Variants in ACAA2 observed in about 807,000 individuals in gnomAD.
ACAA2 encodes 3-ketoacyl-CoA thiolase, mitochondrial.
In ACAA2, 35 loss-of-function variants were observed where a neutral mutation model predicts 44.8. The ratio of observed to expected loss-of-function variants is 0.78; its 90% CI spans 0.60 to 1.04. The LOEUF (loss-of-function observed/expected upper bound fraction) is 1.04. ACAA2 is among the 50% of genes least tolerant of loss of function. The pLI, the probability that ACAA2 is intolerant of heterozygous loss-of-function variation, is 0.00. For synonymous variants in ACAA2, 142 were observed against 166.5 expected (o/e 0.85, Z 1.13); for missense variants, 468 against 482.6 (o/e 0.97, Z 0.28).
chr18:49,787,504 A>G (rs1489872439), intron 7 of ACAA2, 143 bp from the exon 8 acceptor site: 42 of 585,624 alleles, frequency 7.2e-5, no homozygotes, highest in Non-Finnish European at 4.0e-5. Flanking sequence ...CCTTGACCGT[A>G]CCTATTAAAT....
At chr18:49,810,262 G>A (rs184652096) in intron 1 of ACAA2, among the ~76,000 whole-genome samples, 67 of 152,236 alleles carry the variant, frequency 4.4e-4, no homozygotes, top group Non-Finnish European at 7.6e-4. Flanking sequence ...TCCACACCCC[G>A]TTCTCCTGCA....
At chr18:49,787,626 C>A (rs940836306) in intron 7 of ACAA2, among the ~76,000 whole-genome samples, 1 of 151,696 alleles carries the variant, frequency 6.6e-6, no homozygotes, top group African/African-American at 2.4e-5. Context: ...CTGGGCAACA[C>A]AGCAAGACCC....
Position 49,784,152 on chromosome 18 carries a change from C to T in ACAA2, c.1110-221G>A, listed in dbSNP as rs545110183. 1.3e-4 allele frequency among the ~76,000 whole-genome samples: 20 copies of T among 151,936 alleles called. No individual in the cohort carries two copies. In the South Asian group the frequency reaches 2.1e-3, roughly 16 times the overall value. On this transcript the variant is annotated intron_variant, in intron 9 of 9. Transcript: ENST00000285093. ...AAAAACAAAGAACAAAAACAAACAC[C>T]AGAAGAGGGAGGCAAACTAAAAAGG...
chr18:49,808,214 T>C (rs1034554388), intron 1 of ACAA2, among the ~76,000 whole-genome samples: 3 of 152,108 alleles, frequency 2.0e-5, no homozygotes, highest in Non-Finnish European at 4.4e-5. Context: ...CAAACACTGG[T>C]GAGGATGTGG....
intron 9 of ACAA2, among the ~76,000 whole-genome samples, chr18:49,784,503 C>A (rs1402137212): frequency 1.3e-5 from 2 of 152,080 alleles, no homozygotes; most frequent in Non-Finnish European, 2.9e-5. Context: ...AGAAAATTAT[C>A]CAGGAATTAC....
intron 1 of ACAA2, among the ~76,000 whole-genome samples, chr18:49,803,335 G>A (rs1400592331): frequency 6.6e-6 from 1 of 151,562 alleles, no homozygotes; most frequent in African/African-American, 2.4e-5. Context: ...GACATTGTAT[G>A]AAAAAGCATT....
Position 49,802,871 on chromosome 18 carries a change from G to C in ACAA2, c.17-18C>G. ...AAACACACCTATTGCAACAAGAAGA[G>C]ATTTGTAAGCCATCACAGGTTAGTA... On this transcript the variant is annotated intron_variant, in intron 1 of 9. Coordinates refer to ENST00000285093, the MANE Select transcript of ACAA2 (RefSeq NM_006111.3). 1.2e-6 allele frequency: 2 copies of C among 1,613,742 alleles called. No individual in the cohort carries two copies. The highest frequency in any genetic ancestry group is 8.5e-7 in the Non-Finnish European group (1 of 1,179,788).
At chr18:49,805,665 T>A (rs1385424567) in intron 1 of ACAA2, among the ~76,000 whole-genome samples, 1 of 152,082 alleles carries the variant, frequency 6.6e-6, no homozygotes, top group Non-Finnish European at 1.5e-5. Flanking sequence ...CAGCCTCGAC[T>A]TTCCCAACTC....
chr18:49,795,700 T>G, intron 4 of ACAA2, 65 bp downstream of exon 4: 2 of 936,562 alleles, frequency 2.1e-6, no homozygotes, highest in Non-Finnish European at 3.1e-6. Context: ...TAAAAAGGTA[T>G]GTTATTAAAA....
chr18:49,786,023 T>TTCAAGTTTACAGTACTGTA (rs2023324985), intron 8 of ACAA2: 1 of 152,138 alleles, frequency 6.6e-6, no homozygotes, highest in Admixed American at 6.5e-5. Context: ...ATTACCTTAC[T>TTCAAGTTTACAGTACTGTA]TCAAGTTTAC....
chr18:49,799,226 C>T (rs1457774171), intron 2 of ACAA2, among the ~76,000 whole-genome samples: 1 of 152,182 alleles, frequency 6.6e-6, no homozygotes, highest in South Asian at 2.1e-4. Flanking sequence ...CTCTCCCCCT[C>T]CTCCTCCCCC....
At chr18:49,787,590 T>G (rs1051764251) in intron 7 of ACAA2, among the ~76,000 whole-genome samples, 3 of 151,812 alleles carry the variant, frequency 2.0e-5, no homozygotes, top group Admixed American at 2.0e-4. Context: ...TTTGGGAGGC[T>G]GAAGTGGGAG....
At chr18:49,802,560 CAAA>C (rs74176744) in intron 2 of ACAA2, 124 bp downstream of exon 2, 1,318 of 592,044 alleles carry the variant, frequency 2.2e-3, no homozygotes, top group South Asian at 6.6e-3. Flanking sequence ...GACTCCATCT[CAAA>C]AAAAAAAAAA....
chr18:49,800,724 C>A lies in ACAA2; in HGVS notation c.183+1963G>T, dbSNP rs182517197. On this transcript the variant is annotated intron_variant, in intron 2 of 9. Coordinates refer to ENST00000285093, the MANE Select transcript of ACAA2 (RefSeq NM_006111.3). Reference sequence around the variant, plus strand: ...GCATGCTTGTTAAGAGTCATCACCACTCCCTAATCTCAAGTACCCAGGGAC... The same window carrying A: ...GCATGCTTGTTAAGAGTCATCACCAATCCCTAATCTCAAGTACCCAGGGAC... 2.1e-3 allele frequency among the ~76,000 whole-genome samples: 326 copies of A among 152,196 alleles called. 1 individual carries two copies. Among genetic ancestry groups the A allele is most frequent in the African/African-American group, 7.6e-3 (316 of 41,510 alleles).
rs772401577 is a variant in ACAA2, at chr18:49,785,231, A to T, written c.1075T>A (p.Ser359Thr). The T allele has an allele frequency of 2.0e-5, 33 of 1,613,918 alleles. No homozygotes were observed. The South Asian group carries it at 3.2e-4, about 16-fold the overall frequency. Residue 359 changes from serine (S) to threonine (T), a missense_variant, in exon 9 of 10, where the codon TCA becomes ACA. By Grantham distance (58) the Ser-to-Thr change is moderately conservative. Coordinates refer to ENST00000285093, the MANE Select transcript of ACAA2 (RefSeq NM_006111.3). ...ALGHPLGGSG[S>T]RITAHLVHEL... ...TGAACCAGGTGTGCAGTAATTCTTG[A>T]TCCAGATCCTCCCAGTGGGTGACCC...
At chr18:49,789,546 G>A (rs1314359964) in intron 7 of ACAA2, among the ~76,000 whole-genome samples, 1 of 152,150 alleles carries the variant, frequency 6.6e-6, no homozygotes, top group Admixed American at 6.5e-5. Flanking sequence ...GGAAAACAAC[G>A]CTTTCTTGGT....
chr18:49,789,903 G>C (rs1411110121), intron 7 of ACAA2, among the ~76,000 whole-genome samples: 2 of 151,688 alleles, frequency 1.3e-5, no homozygotes, highest in African/African-American at 2.4e-5. Flanking sequence ...AGTGAGCTGA[G>C]ATCACGCCAC....
Position 49,792,416 on chromosome 18 carries a change from A to G in ACAA2, c.578-89T>C, listed in dbSNP as rs2023414383. 6 of 1,175,598 alleles carry G rather than the reference A, an allele frequency of 5.1e-6. No individual in the cohort carries two copies. The Middle Eastern group carries it at 1.2e-3, about 227-fold the overall frequency. 72.8% of individuals were successfully genotyped at this position (1,175,598 alleles called of 1,614,324 possible). ...TATTATTCAATTTAATTTCTGATCT[A>G]CCTTTTCCTCACAGTCTACTTTAAT... On this transcript the variant is annotated intron_variant, in intron 5 of 9. Coordinates refer to ENST00000285093, the MANE Select transcript of ACAA2 (RefSeq NM_006111.3).
intron 3 of ACAA2, among the ~76,000 whole-genome samples, chr18:49,797,104 C>T (rs892514995): frequency 6.6e-6 from 1 of 152,086 alleles, no homozygotes; most frequent in African/African-American, 2.4e-5. Context: ...AACTGAAACT[C>T]CATATCCATT....
Sources: allele counts gnomAD v4.1 joint callset (sites outside exome capture counted in the v4.1 genomes callset), GRCh38; gene constraint gnomAD v4.1.1; transcripts MANE v1.5; gene names NCBI Gene and HGNC (gene_info 2026-07-23, HGNC 2026-07-21).